DOCK4: variants seen among roughly 807,000 people sequenced by gnomAD.
DOCK4 encodes dedicator of cytokinesis 4, also known as dedicator of cytokinesis protein 4.
Under a neutral mutation model 268.1 loss-of-function variants are expected in DOCK4, and 97 were observed. The ratio of observed to expected loss-of-function variants is 0.36; its 90% confidence interval spans 0.31 to 0.43. The LOEUF is 0.43. Among genes scored for constraint, DOCK4 ranks in the 20% least tolerant of loss-of-function variants. The pLI is 1.00. For synonymous variants in DOCK4, 954 were observed against 887.2 expected (o/e 1.08, Z -1.34); for missense variants, 2,145 against 2,455.7 (o/e 0.87, Z 2.67).
At chr7:111,782,652 G>A (rs1798858937) in intron 35 of DOCK4, among the ~76,000 whole-genome samples, 1 of 152,032 alleles carries the variant, frequency 6.6e-6, no homozygotes, top group East Asian at 1.9e-4. Flanking sequence ...GGAATGCAGG[G>A]GATGCACCTT....
intron 23 of DOCK4, among the ~76,000 whole-genome samples, chr7:111,862,061 G>A (rs1325577516): frequency 6.6e-6 from 1 of 152,096 alleles, no homozygotes; most frequent in Non-Finnish European, 1.5e-5. Context: ...AGCACTTTGG[G>A]AGGCCAAGGT....
At chr7:111,757,430 C>G (rs75071282) in intron 41 of DOCK4, among the ~76,000 whole-genome samples, 2,141 of 152,226 alleles carry the variant, frequency 0.014, 21 homozygotes, top group Middle Eastern at 0.041. Flanking sequence ...TATGATTTCA[C>G]TAAAAGCAAC....
chr7:112,172,777 A>T (rs752878856), intron 1 of DOCK4, among the ~76,000 whole-genome samples: 5 of 152,256 alleles, frequency 3.3e-5, no homozygotes, highest in Non-Finnish European at 7.3e-5. Context: ...CGGGAAGAAC[A>T]GTAGATTATT....
At chr7:112,036,914 G>C (rs1421080450) in intron 1 of DOCK4, among the ~76,000 whole-genome samples, 1 of 152,136 alleles carries the variant, frequency 6.6e-6, no homozygotes, top group African/African-American at 2.4e-5. Context: ...ACCCGCCTTT[G>C]CCTCCCATAG....
chr7:112,100,771 T>C (rs545805329), intron 1 of DOCK4, among the ~76,000 whole-genome samples: 4 of 152,222 alleles, frequency 2.6e-5, no homozygotes, highest in Non-Finnish European at 4.4e-5. Flanking sequence ...ATTCAAGTAT[T>C]TACCAAAGGC....
At chr7:112,077,384 C>A (rs1333307135) in intron 1 of DOCK4, among the ~76,000 whole-genome samples, 8 of 151,830 alleles carry the variant, frequency 5.3e-5, no homozygotes, top group Admixed American at 5.3e-4. Context: ...TAAAATGAAA[C>A]CCAATTTAGA....
At chr7:112,096,328 G>A (rs528916026) in intron 1 of DOCK4, among the ~76,000 whole-genome samples, 29 of 152,058 alleles carry the variant, frequency 1.9e-4, no homozygotes, top group East Asian at 7.7e-4. Context: ...CACCATGCTC[G>A]TCTAATTTTT....
At chr7:112,073,584 T>C in intron 1 of DOCK4, among the ~76,000 whole-genome samples, 1 of 152,276 alleles carries the variant, frequency 6.6e-6, no homozygotes, top group East Asian at 1.9e-4. Flanking sequence ...TAAAAAAGTA[T>C]GAAATCCTGT....
chr7:111,834,483 G>A (rs1288287562), intron 26 of DOCK4, 105 bp downstream of exon 26: 2 of 885,676 alleles, frequency 2.3e-6, no homozygotes, highest in Non-Finnish European at 3.4e-6. Context: ...AGAACTTAAT[G>A]GAAACAGGTA....
chr7:111,760,724 T>C lies in DOCK4; in HGVS notation c.4021-402A>G, dbSNP rs372034912. On this transcript the variant is annotated intron_variant, in intron 39 of 52. Coordinates refer to ENST00000428084, the MANE Select transcript of DOCK4 (RefSeq NM_001363540.2). The stretch of plus-strand genomic sequence containing the variant: ...TTCACAATTTGGAGGAAAAGTAAAT[T>C]TGTTGTCTGCTTTTTGTGTGTGTGT... Among the ~76,000 whole-genome samples, 138 of 147,624 alleles carry C rather than the reference T, an allele frequency of 9.3e-4. 4 individuals are homozygous for C. The East Asian group carries it at 0.016, about 17-fold the overall frequency.
intron 30 of DOCK4, chr7:111,801,856 A>AT (rs538307512): frequency 0.074 from 9,841 of 132,756 alleles, 487 homozygotes; most frequent in Middle Eastern, 0.14. Context: ...CGCTGGGCTA[A>AT]TTTTTTTTTT....
At chr7:112,093,421 G>A (rs760580400) in intron 1 of DOCK4, among the ~76,000 whole-genome samples, 75 of 151,716 alleles carry the variant, frequency 4.9e-4, no homozygotes, top group Non-Finnish European at 5.9e-4. Flanking sequence ...ATATTGTGAC[G>A]ACATTTAAAG....
chr7:111,935,912 T>C (rs1184441263), intron 11 of DOCK4, among the ~76,000 whole-genome samples: 1 of 152,138 alleles, frequency 6.6e-6, no homozygotes, highest in African/African-American at 2.4e-5. Flanking sequence ...CAGAGAACAA[T>C]GTATACAGGG....
chr7:111,969,914 C>G (rs1797570426), intron 8 of DOCK4, among the ~76,000 whole-genome samples: 1 of 152,148 alleles, frequency 6.6e-6, no homozygotes, highest in Non-Finnish European at 1.5e-5. Flanking sequence ...TATGCCCAAT[C>G]CTACACCTCA....
At position 111,952,354 on chromosome 7, in the gene DOCK4, G is replaced by A. The variant is rs146123724; in HGVS notation, c.702-6556C>T. ...GGCACAGTAGGGATCTGAAGGTCCT[G>A]ATGGCTTCTCTTCTGTTTCTCAGTA... On this transcript the variant is annotated intron_variant, in intron 8 of 52. Transcript: ENST00000428084. Among the ~76,000 whole-genome samples the A allele has an allele frequency of 1.8e-4, 28 of 152,284 alleles. No individual in the cohort carries two copies. The East Asian group carries it at 5.0e-3, about 27-fold the overall frequency.
At chr7:111,992,841 C>G (rs1799643712) in intron 5 of DOCK4, among the ~76,000 whole-genome samples, 1 of 152,112 alleles carries the variant, frequency 6.6e-6, no homozygotes, top group African/African-American at 2.4e-5. Context: ...GTTTCTTTTT[C>G]CATGTTAGTG....
intron 8 of DOCK4, among the ~76,000 whole-genome samples, chr7:111,961,164 A>G (rs1475418256): frequency 6.6e-6 from 1 of 152,070 alleles, no homozygotes; most frequent in African/African-American, 2.4e-5. Context: ...ATGGCAGCTG[A>G]TCTTGTTTCC....
chr7:111,769,133 T>A lies in DOCK4; in HGVS notation c.3828+396A>T, dbSNP rs533090834. 3.0e-4 allele frequency among the ~76,000 whole-genome samples: 46 copies of A among 152,300 alleles called. 2 individuals carry two copies. The highest frequency in any genetic ancestry group is 1.0e-4 in the Non-Finnish European group (7 of 68,024). ...ATGTGAAAAATAAATTTCTGTTGTT[T>A]ATAAGCTACCCAGTCTAGGGTATTT... On this transcript the variant is annotated intron_variant, in intron 37 of 52. Coordinates refer to ENST00000428084, the MANE Select transcript of DOCK4 (RefSeq NM_001363540.2).
chr7:111,756,309 A>G lies in DOCK4; in HGVS notation c.4330-708T>C, dbSNP rs563156263. On this transcript the variant is annotated intron_variant, in intron 41 of 52. Coordinates refer to ENST00000428084, the MANE Select transcript of DOCK4 (RefSeq NM_001363540.2). ...GCTTGCAGTAAGCCGAGATCGCCCC[A>G]CTGCACTCCAGCCTGGGCGACAGGG... is the stretch of plus-strand genomic sequence containing the variant. 1.7e-4 allele frequency among the ~76,000 whole-genome samples: 26 copies of G among 152,236 alleles called. 1 individual carries two copies. The South Asian group carries it at 5.4e-3, about 32-fold the overall frequency.
Sources: gnomAD v4.1 joint callset for allele counts (sites outside exome capture counted in the v4.1 genomes callset) on GRCh38, gnomAD v4.1.1 for gene constraint, MANE v1.5 for transcripts, NCBI Gene and HGNC (gene_info 2026-07-23, HGNC 2026-07-21) for gene names.